The following PACS2 variants were observed in gnomAD, a reference collection of about 807,000 sequenced individuals.
PACS2 encodes the protein phosphofurin acidic cluster sorting protein 2, also known as PACS1-like protein.
A neutral mutation model predicts 113.0 loss-of-function variants in PACS2; 36 were observed. That is an observed-to-expected ratio of 0.32 (90% CI 0.24 to 0.42). The LOEUF (loss-of-function observed/expected upper bound fraction) is 0.42, where lower values mean the gene tolerates loss of function less well. Among genes scored for constraint, PACS2 ranks in the 10% least tolerant of loss-of-function variants. The pLI, the probability that PACS2 is intolerant of heterozygous loss-of-function variation, is 1.00. For missense variants in PACS2, 1,015 were observed against 1,239.5 expected (o/e 0.82, Z 2.72); for synonymous variants, 589 against 536.1 (o/e 1.10, Z -1.36).
chr14:105,333,002 G>A lies in PACS2; in HGVS notation c.120-15491G>A, dbSNP rs1042265498. Among the ~76,000 whole-genome samples, 17 of 152,254 alleles carry A rather than the reference G, an allele frequency of 1.1e-4. 1 individual carries two copies. Among genetic ancestry groups the A allele is most frequent in the South Asian group, 6.2e-4 (3 of 4,826 alleles). On this transcript the variant is annotated intron_variant, in intron 1 of 24. Transcript: ENST00000447393. ...CCCAGGCTCCGCTCCTGTGGGCTGC[G>A]TCGTGGTTTCTCCTCTCTGTGGGAC...
chr14:105,387,001 C>G (rs2081198634), intron 19 of PACS2, among the ~76,000 whole-genome samples: 1 of 152,198 alleles, frequency 6.6e-6, no homozygotes, highest in Non-Finnish European at 1.5e-5. Context: ...AAGCAGCAAG[C>G]CAGGGCCTTA....
intron 19 of PACS2, 95 bp downstream of exon 19, chr14:105,385,812 C>A (rs1054406781): frequency 8.3e-6 from 6 of 723,820 alleles, no homozygotes; most frequent in Non-Finnish European, 1.2e-5. Flanking sequence ...CCCCGCTGTC[C>A]TCTCTCCGGA....
At position 105,382,856 on chromosome 14, in the gene PACS2, G is replaced by T. The variant is rs782434828; in HGVS notation, c.1568G>T (p.Cys523Phe). The T allele has an allele frequency of 1.2e-6, 2 of 1,607,470 alleles. No individual in the cohort carries two copies. Among genetic ancestry groups the T allele is most frequent in the Non-Finnish European group, 1.7e-6 (2 of 1,179,526 alleles). Residue 523 changes from cysteine to phenylalanine, a missense_variant, in exon 15 of 25, where the codon TGC becomes TTC. Physicochemically the swap from Cys to Phe is radical, Grantham distance 205. This residue lies in a region of PACS2 where 859 missense variants were observed against 1,056.8 expected (regional missense o/e 0.81). Coordinates refer to ENST00000447393, the MANE Select transcript of PACS2 (RefSeq NM_001100913.3). ...CACACGCTCCCCGTGGTGTGCACGT[G>T]CTCTCCTGCGGACGTCCAGGCGGCC... ...QRHTLPVVCTCSPADVQAAFS... is the reference protein window; with the variant it reads ...QRHTLPVVCTFSPADVQAAFS...
At chr14:105,369,002 C>T (rs1435150759) in intron 7 of PACS2, among the ~76,000 whole-genome samples, 2 of 152,368 alleles carry the variant, frequency 1.3e-5, no homozygotes, top group East Asian at 3.9e-4. Flanking sequence ...CCTCAGAGGC[C>T]GTGTCCGGCA....
chr14:105,385,024 C>A, intron 18 of PACS2, 37 bp downstream of exon 18: 1 of 1,288,584 alleles, frequency 7.8e-7, no homozygotes, highest in Non-Finnish European at 1.1e-6. Context: ...CCACAGGCTG[C>A]CGCCAGCCAC....
At chr14:105,309,679 G>A (rs587660571), upstream of PACS2, among the ~76,000 whole-genome samples, 39 of 152,300 alleles carry the variant, frequency 2.6e-4, no homozygotes, top group African/African-American at 9.4e-4. This position sits in a 1 kb window ranked among gnomAD's most constrained non-coding sequence, Gnocchi z 4.0. Context: ...CAACCCAGGA[G>A]GGGAGCAGCG....
At position 105,303,727 on chromosome 14, in the gene PACS2, C is replaced by T. The variant is rs587713469; in HGVS notation, c.-83+2748C>T. Among the ~76,000 whole-genome samples the T allele has an allele frequency of 9.2e-5, 14 of 152,282 alleles. No individual in the cohort carries two copies. The South Asian group carries it at 1.4e-3, about 16-fold the overall frequency. On this transcript the variant is annotated intron_variant, in intron 1 of 23. Coordinates refer to the PACS2 transcript ENST00000430725. ...ATTGTCTCCACTCTTAATTTCCTCC[C>T]GGATCCAAGGGTTATTAGGAAGTGT...
chr14:105,362,289 G>A (rs587660111), intron 4 of PACS2, among the ~76,000 whole-genome samples: 3 of 151,052 alleles, frequency 2.0e-5, no homozygotes, highest in Non-Finnish European at 4.4e-5. Context: ...GTGGTGGCGG[G>A]CGCCTGTAGT....
chr14:105,367,537 C>T (rs1260264042), intron 5 of PACS2, among the ~76,000 whole-genome samples, 162 bp downstream of exon 5: 10 of 152,262 alleles, frequency 6.6e-5, no homozygotes, highest in South Asian at 4.1e-4. Flanking sequence ...CAGAGGTGCG[C>T]GCTGTTGTAG....
At chr14:105,364,401 C>T (rs587745508) in intron 4 of PACS2, among the ~76,000 whole-genome samples, 4,023 of 117,734 alleles carry the variant, frequency 0.034, 418 homozygotes, top group African/African-American at 0.14. Flanking sequence ...GGCGGTGTCC[C>T]GGGTGCGCGG....
At chr14:105,326,187 G>A (rs1040598823) in intron 1 of PACS2, among the ~76,000 whole-genome samples, 3 of 152,190 alleles carry the variant, frequency 2.0e-5, no homozygotes, top group African/African-American at 4.8e-5. Flanking sequence ...ACCAGCGCCC[G>A]CCTCCCTGGT....
chr14:105,396,901 G>A lies in PACS2; in HGVS notation c.*2229G>A, dbSNP rs1555416996. ...TCTGGCCTCAGAGCAGGTTTTAGAG[G>A]AAGGGGCCACAGGCTGCCTAGTGCA... On this transcript the variant is annotated 3_prime_UTR_variant, in exon 25 of 25. Coordinates refer to ENST00000447393, the MANE Select transcript of PACS2 (RefSeq NM_001100913.3). The A allele has an allele frequency of 6.6e-6, 1 of 152,266 alleles. No homozygotes were observed. Among genetic ancestry groups the A allele is most frequent in the Non-Finnish European group, 1.5e-5 (1 of 68,086 alleles). 9.4% of individuals were successfully genotyped at this position (152,266 alleles called of 1,614,324 possible).
chr14:105,392,592 G>T (rs1479908025), intron 22 of PACS2, 27 bp from the exon 23 acceptor site: 1 of 1,565,798 alleles, frequency 6.4e-7, no homozygotes, highest in Admixed American at 1.8e-5. Context: ...AGATGCAGGT[G>T]TGAATGCCTC....
At chr14:105,390,978 C>T (rs1555414663) in intron 20 of PACS2, 2 of 585,962 alleles carry the variant, frequency 3.4e-6, no homozygotes, top group Non-Finnish European at 6.1e-6. Flanking sequence ...GAGAGCAGTC[C>T]CTCCTGCTGA....
Position 105,376,821 on chromosome 14 carries a change from C to T in PACS2, c.855C>T (p.Asp285=), listed in dbSNP as rs1555410559. 2.5e-6 allele frequency: 4 copies of T among 1,613,200 alleles called. No individual in the cohort carries two copies. The highest frequency in any genetic ancestry group is 2.2e-5 in the East Asian group (1 of 44,878). ...AGCACATCCCCGAGGCAGAGGAGGA[C>T]CTGGACCTCCTGTATGACACCCTGG... ...PAEHIPEAEE[D]LDLLYDTLDM... Residue 285 remains aspartate, a synonymous_variant, in exon 9 of 25, where the codon GAC becomes GAT. Coordinates refer to ENST00000447393, the MANE Select transcript of PACS2 (RefSeq NM_001100913.3). This position sits in a 1 kb window ranked among gnomAD's most constrained non-coding sequence, Gnocchi z 4.7.
intron 19 of PACS2, among the ~76,000 whole-genome samples, chr14:105,387,883 C>T (rs1479113651): frequency 6.6e-6 from 1 of 152,194 alleles, no homozygotes; most frequent in African/African-American, 2.4e-5. Flanking sequence ...TGTGCCTTCG[C>T]GTGCCTGGGA....
Position 105,376,941 on chromosome 14 carries a change from C to T in PACS2, c.959+16C>T, listed in dbSNP as rs201802626. On this transcript the variant is annotated intron_variant, in intron 9 of 24. Transcript: ENST00000447393. The surrounding 1 kb of genome is among the most constrained non-coding windows in gnomAD (Gnocchi z 4.7). ...CGAAGCTGCGGTGAGCCCTACAGGG[C>T]GGGGCGGGGAGGAACAGCCATTTCA... The T allele has an allele frequency of 2.7e-5, 43 of 1,582,824 alleles. No homozygotes were observed. Among genetic ancestry groups the T allele is most frequent in the Non-Finnish European group, 3.1e-5 (36 of 1,163,066 alleles).
chr14:105,364,427 G>C (rs1429970516), intron 4 of PACS2, among the ~76,000 whole-genome samples: 8 of 131,178 alleles, frequency 6.1e-5, no homozygotes, highest in Non-Finnish European at 1.1e-4. Flanking sequence ...GGTGTCCCGG[G>C]TGCGCGGTGG....
intron 8 of PACS2, chr14:105,372,530 G>GTAC (rs2061194889): frequency 2.6e-5 from 4 of 152,136 alleles, no homozygotes; most frequent in Non-Finnish European, 4.4e-5. Flanking sequence ...CCTAAAAATA[G>GTAC]ATAAAATGGT....
Sources: gnomAD v4.1 joint callset for allele counts (sites outside exome capture counted in the v4.1 genomes callset) on GRCh38, gnomAD v4.1.1 for gene constraint, gnomAD v4.1.1 regional missense constraint, Gnocchi (gnomAD v3.1) non-coding constraint, MANE v1.5 for transcripts, NCBI Gene and HGNC (gene_info 2026-07-23, HGNC 2026-07-21) for gene names.